GLB1: variants seen among roughly 807,000 people sequenced by gnomAD.
GLB1 encodes galactosidase beta 1, also known as beta-galactosidase.
A neutral mutation model predicts 74.0 loss-of-function variants in GLB1; 56 were observed. The observed-to-expected ratio is 0.76, with a 90% CI of 0.61 to 0.94. The LOEUF (loss-of-function observed/expected upper bound fraction) is 0.94, where lower values mean the gene tolerates loss of function less well. GLB1 is among the 40% of genes least tolerant of loss of function. The probability of loss-of-function intolerance (pLI) is 0.00; values close to 1 mark genes in which losing one functional copy is unlikely to be tolerated. For synonymous variants in GLB1, 323 were observed against 323.6 expected (o/e 1.00, Z 0.02); for missense variants, 787 against 845.5 (o/e 0.93, Z 0.86).
chr3:32,976,608 A>G, the GLB1 span, among the ~76,000 whole-genome samples: 1 of 151,810 alleles, frequency 6.6e-6, no homozygotes, highest in East Asian at 1.9e-4. Flanking sequence ...CAGTGCCGGG[A>G]CTCTTCTCCG....
chr3:32,979,391 T>TA, the GLB1 span, among the ~76,000 whole-genome samples: 1 of 152,284 alleles, frequency 6.6e-6, no homozygotes, highest in East Asian at 1.9e-4. Context: ...TACTTGAAAA[T>TA]AAAAAACTGT....
At chr3:33,038,252 G>T (rs1342226268) in intron 10 of GLB1, among the ~76,000 whole-genome samples, 1 of 152,170 alleles carries the variant, frequency 6.6e-6, no homozygotes, top group African/African-American at 2.4e-5. Context: ...CACGGAAATT[G>T]TAAGACTGGT....
intron 15 of GLB1, among the ~76,000 whole-genome samples, chr3:33,005,549 T>C (rs1013501534): frequency 6.6e-6 from 1 of 152,116 alleles, no homozygotes; most frequent in African/African-American, 2.4e-5. Flanking sequence ...TTACATACTC[T>C]TTTCTGGCAT....
downstream of GLB1, among the ~76,000 whole-genome samples, chr3:32,993,785 C>T (rs1350986905): frequency 2.0e-5 from 3 of 151,972 alleles, no homozygotes; most frequent in African/African-American, 7.2e-5. Context: ...ATCCACCTGC[C>T]TCAGCCCAAA....
At chr3:33,069,437 A>G (rs1232414828) in intron 2 of GLB1, among the ~76,000 whole-genome samples, 1 of 152,190 alleles carries the variant, frequency 6.6e-6, no homozygotes, top group Non-Finnish European at 1.5e-5. Flanking sequence ...GATATAAGGC[A>G]AAAGGGTGAC....
At chr3:33,008,403 C>G (rs1696870661) in intron 15 of GLB1, among the ~76,000 whole-genome samples, 1 of 152,092 alleles carries the variant, frequency 6.6e-6, no homozygotes. Context: ...ATTCAGAATT[C>G]AGACTTCCTC....
chr3:33,071,886 C>T (rs567081051), intron 2 of GLB1, among the ~76,000 whole-genome samples: 1 of 152,156 alleles, frequency 6.6e-6, no homozygotes, highest in Non-Finnish European at 1.5e-5. Flanking sequence ...GGAAGGAATG[C>T]CACCCAGAAA....
intron 10 of GLB1, among the ~76,000 whole-genome samples, chr3:33,040,446 A>AT (rs933562288): frequency 2.6e-5 from 4 of 152,132 alleles, no homozygotes; most frequent in Non-Finnish European, 5.9e-5. Context: ...CTCTACAAAA[A>AT]AAAAATAAAA....
At chr3:33,096,321 G>T in intron 1 of GLB1, 5 of 920,126 alleles carry the variant, frequency 5.4e-6, no homozygotes, top group Non-Finnish European at 6.5e-6. Context: ...CACCAACTGT[G>T]CACGCCCCGC....
chr3:33,090,799 A>G, intron 1 of GLB1: 1 of 985,426 alleles, frequency 1.0e-6, no homozygotes, highest in Non-Finnish European at 1.2e-6. Context: ...GATACATAGG[A>G]TGGACCTGTT....
chr3:32,974,936 C>T, the GLB1 span, among the ~76,000 whole-genome samples: 7 of 152,164 alleles, frequency 4.6e-5, no homozygotes, highest in African/African-American at 9.7e-5. Flanking sequence ...CAAATGTCTG[C>T]GCACCCTGTA....
intron 1 of GLB1, among the ~76,000 whole-genome samples, chr3:33,078,060 T>G (rs747148361): frequency 5.3e-5 from 8 of 151,988 alleles, no homozygotes; most frequent in Non-Finnish European, 1.2e-4. Context: ...AGCTTGTTGT[T>G]TAAACTTCTT....
intron 1 of GLB1, among the ~76,000 whole-genome samples, chr3:33,074,598 C>T (rs1376156518): frequency 7.2e-6 from 1 of 139,738 alleles, no homozygotes; most frequent in African/African-American, 2.7e-5. Flanking sequence ...AAGACCTCAA[C>T]GGGTGGTGGG....
chr3:32,981,879 A>G, the GLB1 span, among the ~76,000 whole-genome samples: 1 of 152,138 alleles, frequency 6.6e-6, no homozygotes, highest in East Asian at 1.9e-4. Flanking sequence ...TTTACTTTCA[A>G]CCTCTTGGTA....
chr3:32,982,256 T>C, the GLB1 span, among the ~76,000 whole-genome samples: 1 of 146,326 alleles, frequency 6.8e-6, no homozygotes, highest in Non-Finnish European at 1.5e-5. Flanking sequence ...GAGGTTGTGG[T>C]GAGCCGAGAT....
At chr3:33,001,679 T>A (rs1696576375) in intron 15 of GLB1, among the ~76,000 whole-genome samples, 1 of 152,216 alleles carries the variant, frequency 6.6e-6, no homozygotes, top group Non-Finnish European at 1.5e-5. Flanking sequence ...GGCGAGATTC[T>A]CCGCACGCAG....
chr3:33,018,527 G>C lies in GLB1; in HGVS notation c.1268C>G (p.Pro423Arg), dbSNP rs1697337250. The change falls in exon 13 of 16, where the codon CCT (proline) becomes CGT (arginine). Residue 423 changes from proline to arginine, a missense_variant. Transcript: ENST00000307363. ...YGFVLYRTTL[P>R]QDCSNPAPLS... ...AGGTGCTGGGTTGCTGCAATCTTGA[G>C]GAAGTGTTGTCCGGTACAGCACAAA... The C allele has an allele frequency of 2.5e-6, 4 of 1,614,026 alleles. No homozygotes were observed. The highest frequency in any genetic ancestry group is 1.7e-6 in the Non-Finnish European group (2 of 1,180,020).
At chr3:33,030,354 G>A (rs1346276435) in intron 10 of GLB1, among the ~76,000 whole-genome samples, 1 of 152,182 alleles carries the variant, frequency 6.6e-6, no homozygotes, top group Non-Finnish European at 1.5e-5. Flanking sequence ...CTCTGGGAGA[G>A]GGACTAGAAA....
intron 1 of GLB1, chr3:33,077,388 T>A: frequency 8.4e-7 from 1 of 1,188,552 alleles, no homozygotes; most frequent in Non-Finnish European, 1.2e-6. Flanking sequence ...AGATTCCAAT[T>A]TGACAGGCAA....
Sources: gnomAD v4.1 joint callset for allele counts (sites outside exome capture counted in the v4.1 genomes callset) on GRCh38, gnomAD v4.1.1 for gene constraint, MANE v1.5 for transcripts, NCBI Gene and HGNC (gene_info 2026-07-23, HGNC 2026-07-21) for gene names.